Variants in CAST observed in about 807,000 individuals in gnomAD.
The protein encoded by CAST is MIR583 host.
CAST carries 76 observed loss-of-function variants against 119.6 expected under a neutral mutation model. The observed-to-expected ratio is 0.64, with a 90% confidence interval of 0.53 to 0.77. The LOEUF (loss-of-function observed/expected upper bound fraction) is 0.77. CAST is among the 30% of genes least tolerant of loss of function. The pLI, the probability that CAST is intolerant of heterozygous loss-of-function variation, is 0.00. For synonymous variants in CAST, 319 were observed against 331.6 expected (o/e 0.96, Z 0.41); for missense variants, 953 against 946.5 (o/e 1.01, Z -0.09).
At chr5:96,173,216 A>G in the CAST span, among the ~76,000 whole-genome samples, 2 of 152,184 alleles carry the variant, frequency 1.3e-5, no homozygotes. Flanking sequence ...AAAAGCAACT[A>G]AGATCTACTG....
At chr5:95,989,699 A>C in the CAST span, among the ~76,000 whole-genome samples, 1 of 152,060 alleles carries the variant, frequency 6.6e-6, no homozygotes, top group Admixed American at 6.6e-5. Context: ...TTTTTAATTT[A>C]GAAAGACTTT....
At chr5:96,533,829 G>T (rs1169831275) in intron 1 of CAST, among the ~76,000 whole-genome samples, 1 of 152,128 alleles carries the variant, frequency 6.6e-6, no homozygotes, top group African/African-American at 2.4e-5. Context: ...AGTGTACCCA[G>T]GGATAGGCAC....
chr5:96,408,653 C>T, the CAST span, among the ~76,000 whole-genome samples: 1 of 152,234 alleles, frequency 6.6e-6, no homozygotes, highest in Non-Finnish European at 1.5e-5. Context: ...GTGAATCATG[C>T]TGGCCCATTA....
At chr5:96,496,894 T>C in the CAST span, among the ~76,000 whole-genome samples, 3 of 151,994 alleles carry the variant, frequency 2.0e-5, no homozygotes, top group Admixed American at 2.0e-4. Context: ...AGTTTTAGAG[T>C]ACATGTGCAC....
chr5:96,617,599 C>G (rs150534798), intron 1 of CAST, among the ~76,000 whole-genome samples: 36 of 151,674 alleles, frequency 2.4e-4, no homozygotes, highest in African/African-American at 8.2e-4. Flanking sequence ...ACCATCCTGG[C>G]TAACACAGTG....
chr5:96,647,732 A>G (rs2150204421), intron 1 of CAST, among the ~76,000 whole-genome samples: 1 of 152,300 alleles, frequency 6.6e-6, no homozygotes, highest in Middle Eastern at 3.4e-3. Flanking sequence ...TTACACTGCT[A>G]CAAGCCTGCA....
the CAST span, among the ~76,000 whole-genome samples, chr5:96,019,830 A>G: frequency 2.0e-5 from 3 of 152,220 alleles, no homozygotes; most frequent in South Asian, 4.1e-4. Flanking sequence ...GTTTGAAAAT[A>G]TATTGAATGA....
At chr5:96,035,134 A>T in the CAST span, among the ~76,000 whole-genome samples, 1 of 143,090 alleles carries the variant, frequency 7.0e-6, no homozygotes, top group African/African-American at 2.6e-5. Context: ...TTTATATATT[A>T]TATATACTTA....
chr5:96,554,888 A>G (rs7731251), intron 1 of CAST, among the ~76,000 whole-genome samples: 93 of 152,364 alleles, frequency 6.1e-4, no homozygotes, highest in African/African-American at 2.2e-3. Flanking sequence ...GGGATCATTA[A>G]AAAGTCAGGA....
the CAST span, among the ~76,000 whole-genome samples, chr5:96,229,747 G>A: frequency 2.0e-3 from 309 of 152,196 alleles, 1 homozygote; most frequent in African/African-American, 7.0e-3. Context: ...CTCTGAATTA[G>A]GAGACATTTC....
chr5:96,591,879 G>A (rs1057001867), intron 1 of CAST, among the ~76,000 whole-genome samples: 1 of 152,168 alleles, frequency 6.6e-6, no homozygotes, highest in African/African-American at 2.4e-5. Context: ...TAACAAGACT[G>A]GGTGGTCACT....
chr5:96,534,739 G>GAA (rs1554066252), intron 1 of CAST, among the ~76,000 whole-genome samples: 33 of 22,698 alleles, frequency 1.5e-3, no homozygotes, highest in Admixed American at 1.6e-3. Flanking sequence ...GAGAGAGAGA[G>GAA]AGAAAGAAAG....
intron 1 of CAST, among the ~76,000 whole-genome samples, chr5:96,653,827 AATAACT>A (rs1748123088): frequency 6.6e-6 from 1 of 152,098 alleles, no homozygotes; most frequent in Non-Finnish European, 1.5e-5. Context: ...TAAATAAATA[AATAACT>A]ATGAGTCTTA....
the CAST span, among the ~76,000 whole-genome samples, chr5:96,251,750 C>A: frequency 9.9e-5 from 15 of 151,988 alleles, no homozygotes; most frequent in Non-Finnish European, 2.1e-4. Flanking sequence ...TTGACTAAGT[C>A]TTATGAGTAC....
the CAST span, among the ~76,000 whole-genome samples, chr5:96,204,951 G>C: frequency 6.6e-6 from 1 of 152,018 alleles, no homozygotes; most frequent in African/African-American, 2.4e-5. Context: ...AGTTCAACCT[G>C]TTTCTTTTTT....
chr5:96,068,733 A>C, the CAST span, among the ~76,000 whole-genome samples: 1 of 151,624 alleles, frequency 6.6e-6, no homozygotes, highest in East Asian at 1.9e-4. Flanking sequence ...ACATATGCAT[A>C]GTAAATGTGT....
At chr5:96,668,164 A>G (rs1749583901) in intron 1 of CAST, among the ~76,000 whole-genome samples, 1 of 152,214 alleles carries the variant, frequency 6.6e-6, no homozygotes, top group Non-Finnish European at 1.5e-5. Flanking sequence ...ACACACACAC[A>G]CACACACACC....
chr5:96,649,474 C>G (rs559258861), intron 1 of CAST, among the ~76,000 whole-genome samples: 1 of 152,196 alleles, frequency 6.6e-6, no homozygotes, highest in Admixed American at 6.5e-5. Context: ...GTCATCTTCT[C>G]GTAAATATTT....
intron 19 of CAST, among the ~76,000 whole-genome samples, chr5:96,749,291 G>A (rs113572146): frequency 1.5e-3 from 230 of 152,288 alleles, no homozygotes; most frequent in Non-Finnish European, 2.7e-3. Context: ...ACACAACATG[G>A]CAGAGGATCT....
Sources: gnomAD v4.1 joint callset for allele counts (sites outside exome capture counted in the v4.1 genomes callset) on GRCh38, gnomAD v4.1.1 for gene constraint, MANE v1.5 for transcripts, NCBI Gene and HGNC (gene_info 2026-07-23, HGNC 2026-07-21) for gene names.